SEC11A: variants seen among roughly 807,000 people sequenced by gnomAD.
SEC11A encodes the protein SEC11 homolog A, signal peptidase complex subunit, also known as signal peptidase complex catalytic subunit SEC11A.
SEC11A carries 14 observed loss-of-function variants against 25.6 expected under a neutral mutation model. That is an observed-to-expected ratio of 0.55 (90% CI 0.36 to 0.85). The LOEUF (loss-of-function observed/expected upper bound fraction) is 0.85. SEC11A is among the 40% of genes least tolerant of loss of function. SEC11A has a pLI of 0.01. For synonymous variants in SEC11A, 83 were observed against 76.4 expected, an observed-to-expected ratio of 1.09 and a Z score of -0.45; for missense variants, 153 against 222.9, an observed-to-expected ratio of 0.69 and a Z score of 2.00.
chr15:84,693,987 C>A (rs1018813324), intron 1 of SEC11A, among the ~76,000 whole-genome samples: 3 of 152,178 alleles, frequency 2.0e-5, no homozygotes, highest in African/African-American at 7.2e-5. Context: ...ATTGTTGGAT[C>A]TGTGTGACAG....
At chr15:84,670,607 T>C (rs1397615041) in intron 5 of SEC11A, 118 bp downstream of exon 5, 6 of 549,694 alleles carry the variant, frequency 1.1e-5, no homozygotes, top group Non-Finnish European at 2.0e-5. Flanking sequence ...CTTGAACTCC[T>C]GGGCTCAAGC....
chr15:84,690,571 G>A (rs929546768), intron 2 of SEC11A, among the ~76,000 whole-genome samples: 1 of 151,916 alleles, frequency 6.6e-6, no homozygotes, highest in African/African-American at 2.4e-5. Context: ...GAGTTATGAC[G>A]GCGCCACTGC....
At chr15:84,688,482 C>G (rs1011420270) in intron 2 of SEC11A, among the ~76,000 whole-genome samples, 4 of 152,106 alleles carry the variant, frequency 2.6e-5, no homozygotes, top group Non-Finnish European at 5.9e-5. Flanking sequence ...CTGAAAAGGT[C>G]CTAAGATATT....
intron 3 of SEC11A, among the ~76,000 whole-genome samples, chr15:84,683,723 C>T (rs1273136459): frequency 6.6e-6 from 1 of 152,110 alleles, no homozygotes; most frequent in African/African-American, 2.4e-5. Context: ...CAGGGTTTCA[C>T]CATGTTGGTC....
chr15:84,698,716 G>T (rs1488057710), intron 1 of SEC11A, among the ~76,000 whole-genome samples: 1 of 152,104 alleles, frequency 6.6e-6, no homozygotes, highest in Non-Finnish European at 1.5e-5. Context: ...ACAAACACAT[G>T]TACAGCAGCT....
At chr15:84,705,038 C>T (rs996638101) in intron 1 of SEC11A, among the ~76,000 whole-genome samples, 7 of 151,958 alleles carry the variant, frequency 4.6e-5, no homozygotes, top group Admixed American at 4.6e-4. Flanking sequence ...GATTCTCCCA[C>T]CTCAGCCTAC....
chr15:84,701,127 A>G (rs544417738), intron 1 of SEC11A, among the ~76,000 whole-genome samples: 33 of 151,154 alleles, frequency 2.2e-4, no homozygotes, highest in Non-Finnish European at 4.4e-4. Flanking sequence ...ACTTGAAGTC[A>G]TAACAATAGA....
intron 1 of SEC11A, among the ~76,000 whole-genome samples, chr15:84,708,205 C>CAAAA (rs71132699): frequency 8.5e-5 from 3 of 35,394 alleles, no homozygotes; most frequent in African/African-American, 1.2e-4. Context: ...GGCTCTGTCT[C>CAAAA]AAAAAAAAAA....
chr15:84,714,706 G>C (rs1898401585), intron 1 of SEC11A: 1 of 152,094 alleles, frequency 6.6e-6, no homozygotes, highest in African/African-American at 2.4e-5. Flanking sequence ...TTTTCTTCAT[G>C]TTTAATAAGA....
At chr15:84,701,892 C>A (rs1480626824) in intron 1 of SEC11A, among the ~76,000 whole-genome samples, 3 of 151,340 alleles carry the variant, frequency 2.0e-5, no homozygotes, top group Non-Finnish European at 4.4e-5. Flanking sequence ...CATGGTGAAA[C>A]CCCATCTTCA....
chr15:84,691,476 T>G, intron 2 of SEC11A, 59 bp downstream of exon 2: 1 of 919,418 alleles, frequency 1.1e-6, no homozygotes, highest in Non-Finnish European at 1.7e-6. Context: ...ATTTCATATC[T>G]CAATTTTTCT....
chr15:84,680,877 C>A, intron 3 of SEC11A, 45 bp from the exon 4 acceptor site: 2 of 1,536,094 alleles, frequency 1.3e-6, no homozygotes, highest in South Asian at 1.2e-5. Flanking sequence ...ACCTTCATGG[C>A]ATTTAAAGCA....
At chr15:84,697,882 T>G (rs1897814316) in intron 1 of SEC11A, among the ~76,000 whole-genome samples, 2 of 152,218 alleles carry the variant, frequency 1.3e-5, no homozygotes, top group African/African-American at 2.4e-5. Context: ...CTTATTATTT[T>G]TTCTAAGAAA....
chr15:84,681,933 G>T (rs1253513232), intron 3 of SEC11A, among the ~76,000 whole-genome samples: 1 of 152,120 alleles, frequency 6.6e-6, no homozygotes, highest in Non-Finnish European at 1.5e-5. Context: ...AGCCAAGCAT[G>T]ATGGTGTGCG....
chr15:84,710,976 A>G (rs1234310922), intron 1 of SEC11A, among the ~76,000 whole-genome samples: 2 of 151,874 alleles, frequency 1.3e-5, no homozygotes, highest in African/African-American at 4.8e-5. Context: ...AAGCTGAGGC[A>G]GGAGAATCGC....
At chr15:84,695,088 TAAAAAAAAAAAAAAAA>T (rs55789527) in intron 1 of SEC11A, among the ~76,000 whole-genome samples, 2 of 26,910 alleles carry the variant, frequency 7.4e-5, no homozygotes, top group African/African-American at 2.4e-4. Flanking sequence ...AGACTCCATC[TAAAAAAAAAAAAAAAA>T]AAAAAAAAAA....
chr15:84,713,216 T>C (rs993950559), intron 1 of SEC11A, among the ~76,000 whole-genome samples: 16 of 150,264 alleles, frequency 1.1e-4, no homozygotes, highest in Admixed American at 2.7e-4. Context: ...AAAACACTTA[T>C]CAAATGGTAC....
intron 1 of SEC11A, among the ~76,000 whole-genome samples, chr15:84,702,781 A>G (rs1038061753): frequency 5.9e-5 from 9 of 152,186 alleles, no homozygotes; most frequent in Non-Finnish European, 1.3e-4. Flanking sequence ...AGAAAACTCC[A>G]GGCTCAGATG....
At chr15:84,691,878 T>C (rs1897618268) in intron 1 of SEC11A, 2 of 346,034 alleles carry the variant, frequency 5.8e-6, no homozygotes, top group Non-Finnish European at 1.0e-5. Flanking sequence ...TACATTTATA[T>C]AACACCATAT....
Sources: allele counts gnomAD v4.1 joint callset (sites outside exome capture counted in the v4.1 genomes callset), GRCh38; gene constraint gnomAD v4.1.1; transcripts MANE v1.5; gene names NCBI Gene and HGNC (gene_info 2026-07-23, HGNC 2026-07-21).